GLIS3: variants seen among roughly 807,000 people sequenced by gnomAD.
GLIS3 encodes the protein zinc finger protein GLIS3.
In GLIS3, 53 loss-of-function variants were observed where a neutral mutation model predicts 78.6. That is an observed-to-expected ratio of 0.67 (90% CI 0.54 to 0.85). The LOEUF (loss-of-function observed/expected upper bound fraction) is 0.85. GLIS3 is among the 40% of genes least tolerant of loss of function. The probability of loss-of-function intolerance (pLI) is 0.00; values close to 1 mark genes in which losing one functional copy is unlikely to be tolerated. For missense variants in GLIS3, 1,703 were observed against 1,231.1 expected, an observed-to-expected ratio of 1.38 and a Z score of -5.74; for synonymous variants, 684 against 509.9, an observed-to-expected ratio of 1.34 and a Z score of -4.60.
chr9:3,920,161 A>G (rs897367666), intron 6 of GLIS3, among the ~76,000 whole-genome samples: 13 of 151,342 alleles, frequency 8.6e-5, no homozygotes, highest in East Asian at 1.9e-4. Context: ...CCGCCACCAC[A>G]CCCGGCTAAT....
chr9:3,856,590 G>A (rs1466513209), intron 8 of GLIS3, among the ~76,000 whole-genome samples: 1 of 152,174 alleles, frequency 6.6e-6, no homozygotes, highest in Non-Finnish European at 1.5e-5. Context: ...TTTACACTTA[G>A]CTCACAAACA....
Position 3,824,429 on chromosome 9 carries a change from G to T in GLIS3, c.*3843C>A, listed in dbSNP as rs993454205. ...AACAAACAATGATGGTTGCCATTGT[G>T]TTTTAAACCGACAGGCTGAAGGAGG... On this transcript the variant is annotated 3_prime_UTR_variant, in exon 11 of 11. Transcript: ENST00000381971. 1.3e-5 allele frequency: 2 copies of T among 152,470 alleles called. No homozygotes were observed. The highest frequency in any genetic ancestry group is 4.8e-5 in the African/African-American group (2 of 41,438). 9.4% of individuals were successfully genotyped at this position (152,470 alleles called of 1,614,324 possible).
intron 2 of GLIS3, 31 bp from the exon 3 acceptor site, chr9:4,125,972 T>C (rs776004858): frequency 3.9e-6 from 6 of 1,529,470 alleles, no homozygotes; most frequent in Admixed American, 3.3e-5. Context: ...TTAGCTTTCA[T>C]GTCCCTTACA....
the GLIS3 span, among the ~76,000 whole-genome samples, chr9:4,392,229 A>G: frequency 2.1e-5 from 3 of 142,898 alleles, no homozygotes; most frequent in East Asian, 4.5e-4. Context: ...AACACACACT[A>G]GGGCCTGTCG....
chr9:4,215,852 G>A (rs956163323), intron 2 of GLIS3, among the ~76,000 whole-genome samples: 1 of 152,074 alleles, frequency 6.6e-6, no homozygotes, highest in Non-Finnish European at 1.5e-5. Context: ...TAAAAGAAAG[G>A]CACACTCAGT....
At chr9:4,487,688 CTTTTTTT>C in the GLIS3 span, among the ~76,000 whole-genome samples, 1 of 146,538 alleles carries the variant, frequency 6.8e-6, no homozygotes, top group South Asian at 2.2e-4. Context: ...ATGGTCAACA[CTTTTTTT>C]TTTTTTTAAA....
chr9:4,386,213 G>C, the GLIS3 span, among the ~76,000 whole-genome samples: 3 of 152,222 alleles, frequency 2.0e-5, no homozygotes, highest in African/African-American at 7.2e-5. Flanking sequence ...TACTCAGAAG[G>C]AGCTTTGGTT....
chr9:3,848,904 C>T (rs554037122), intron 9 of GLIS3, among the ~76,000 whole-genome samples: 4 of 152,166 alleles, frequency 2.6e-5, no homozygotes, highest in Non-Finnish European at 5.9e-5. Context: ...AGCTGACTGG[C>T]CTGCTTTAGG....
chr9:4,475,423 C>A, the GLIS3 span, among the ~76,000 whole-genome samples: 1 of 152,094 alleles, frequency 6.6e-6, no homozygotes, highest in African/African-American at 2.4e-5. Flanking sequence ...TTTACCAGAG[C>A]ATTCTTGAGT....
At chr9:4,407,150 GT>G in the GLIS3 span, among the ~76,000 whole-genome samples, 1 of 152,120 alleles carries the variant, frequency 6.6e-6, no homozygotes. Flanking sequence ...CCCATCTACA[GT>G]AAACTCATTT....
chr9:3,889,074 G>T (rs1427612620), intron 7 of GLIS3, among the ~76,000 whole-genome samples: 1 of 152,020 alleles, frequency 6.6e-6, no homozygotes, highest in South Asian at 2.1e-4. Context: ...TGATATTCAA[G>T]AATTTGAGAT....
chr9:3,942,907 A>G (rs1271905734), intron 4 of GLIS3, among the ~76,000 whole-genome samples: 1 of 152,234 alleles, frequency 6.6e-6, no homozygotes, highest in Non-Finnish European at 1.5e-5. Flanking sequence ...ACTAGAAAAC[A>G]AAAGAAGAAA....
chr9:4,395,742 G>C, the GLIS3 span, among the ~76,000 whole-genome samples: 15 of 151,586 alleles, frequency 9.9e-5, 1 homozygote, highest in South Asian at 3.1e-3. Flanking sequence ...CGGACACTGA[G>C]AATAATTGGT....
chr9:4,009,203 G>A (rs1821800972), intron 4 of GLIS3, among the ~76,000 whole-genome samples: 1 of 152,196 alleles, frequency 6.6e-6, no homozygotes, highest in Non-Finnish European at 1.5e-5. Flanking sequence ...ACAACAGAAT[G>A]AAAATTGCTC....
chr9:4,114,669 G>T (rs1033737711), intron 4 of GLIS3, among the ~76,000 whole-genome samples: 3 of 152,092 alleles, frequency 2.0e-5, no homozygotes, highest in Admixed American at 6.5e-5. Context: ...GGCATATCCC[G>T]GTTTCTGACT....
chr9:4,466,512 C>T, the GLIS3 span, among the ~76,000 whole-genome samples: 124 of 152,186 alleles, frequency 8.1e-4, no homozygotes, highest in Non-Finnish European at 1.5e-3. Flanking sequence ...GAACATTAGC[C>T]CTCATAACAT....
the GLIS3 span, among the ~76,000 whole-genome samples, chr9:4,405,947 A>G: frequency 2.6e-5 from 4 of 152,266 alleles, no homozygotes; most frequent in Non-Finnish European, 5.9e-5. Flanking sequence ...TCATATCAAC[A>G]TAATAAAGGA....
chr9:4,437,933 G>C, the GLIS3 span, among the ~76,000 whole-genome samples: 1 of 152,238 alleles, frequency 6.6e-6, no homozygotes, highest in East Asian at 1.9e-4. Context: ...TGTGTTAATT[G>C]ACTGTTTATG....
intron 1 of GLIS3, among the ~76,000 whole-genome samples, chr9:4,289,222 G>C (rs1003616647): frequency 3.3e-5 from 5 of 152,048 alleles, no homozygotes; most frequent in African/African-American, 9.7e-5. Flanking sequence ...TCAGGAATTT[G>C]GATCTATTCA....
Sources: gnomAD v4.1 joint callset for allele counts (sites outside exome capture counted in the v4.1 genomes callset) on GRCh38, gnomAD v4.1.1 for gene constraint, MANE v1.5 for transcripts, NCBI Gene and HGNC (gene_info 2026-07-23, HGNC 2026-07-21) for gene names.